MPP7: variants seen among roughly 807,000 people sequenced by gnomAD.
MPP7 encodes MAGUK p55 subfamily member 7.
A neutral mutation model predicts 76.5 loss-of-function variants in MPP7; 60 were observed. The observed-to-expected ratio is 0.78, with a 90% confidence interval of 0.64 to 0.97. The LOEUF is 0.97. Among genes scored for constraint, MPP7 ranks in the 50% least tolerant of loss-of-function variants. MPP7 has a pLI of 0.00. For missense variants in MPP7, 641 were observed against 694.0 expected (o/e 0.92, Z 0.86); for synonymous variants, 237 against 244.5 (o/e 0.97, Z 0.29).
At chr10:28,331,000 T>C (rs1398076528) in intron 1 of MPP7, among the ~76,000 whole-genome samples, 3 of 152,160 alleles carry the variant, frequency 2.0e-5, no homozygotes, top group Non-Finnish European at 4.4e-5. Context: ...ACCGTATTCA[T>C]TTTGTTGCAC....
intron 12 of MPP7, among the ~76,000 whole-genome samples, chr10:28,080,063 G>A (rs1461919886): frequency 6.8e-6 from 1 of 146,332 alleles, no homozygotes; most frequent in Non-Finnish European, 1.5e-5. Flanking sequence ...AAGATTGGGA[G>A]GGGGAGGGGG....
At chr10:28,155,483 G>A (rs908405771) in intron 3 of MPP7, among the ~76,000 whole-genome samples, 15 of 151,604 alleles carry the variant, frequency 9.9e-5, no homozygotes, top group Admixed American at 2.0e-4. Flanking sequence ...CCAGCTACTC[G>A]GGAGGCTGAA....
intron 11 of MPP7, among the ~76,000 whole-genome samples, chr10:28,104,667 A>T (rs1951936): frequency 0.34 from 51,589 of 152,104 alleles, 12,091 homozygotes; most frequent in East Asian, 0.95. Context: ...TTAGTTGAAC[A>T]GCTTCCATAA....
intron 13 of MPP7, among the ~76,000 whole-genome samples, chr10:28,061,640 A>G (rs1326392142): frequency 2.6e-5 from 4 of 152,146 alleles, no homozygotes; most frequent in African/African-American, 9.7e-5. Flanking sequence ...AAAGGCCCCA[A>G]ACTTCTATAA....
intron 1 of MPP7, among the ~76,000 whole-genome samples, chr10:28,262,987 C>T (rs1485227660): frequency 6.6e-6 from 1 of 152,078 alleles, no homozygotes; most frequent in Non-Finnish European, 1.5e-5. Context: ...ACCCAGGAGG[C>T]GGAGGCTGCA....
At chr10:28,292,528 T>C (rs938092284) in intron 1 of MPP7, among the ~76,000 whole-genome samples, 2 of 151,930 alleles carry the variant, frequency 1.3e-5, no homozygotes, top group Non-Finnish European at 2.9e-5. Context: ...GGGATATAGA[T>C]CAGTGTCACC....
chr10:28,122,403 A>G (rs1378330456), intron 8 of MPP7, among the ~76,000 whole-genome samples: 6 of 152,216 alleles, frequency 3.9e-5, no homozygotes, highest in African/African-American at 1.2e-4. Flanking sequence ...TTTTGTTTAT[A>G]CACATTTACC....
At chr10:28,324,389 T>C (rs2887220) in intron 2 of MPP7, among the ~76,000 whole-genome samples, 8,917 of 152,236 alleles carry the variant, frequency 0.059, 328 homozygotes, top group Non-Finnish European at 0.081. Context: ...TGTTTTGTTA[T>C]AGAAGCTCAA....
intron 1 of MPP7, among the ~76,000 whole-genome samples, chr10:28,283,646 C>G (rs1840730941): frequency 1.3e-5 from 2 of 152,068 alleles, no homozygotes; most frequent in South Asian, 4.1e-4. Flanking sequence ...TCCCAAGTAG[C>G]TGGGATTACA....
chr10:28,077,322 G>T (rs1852542236), intron 12 of MPP7, among the ~76,000 whole-genome samples: 1 of 152,072 alleles, frequency 6.6e-6, no homozygotes, highest in African/African-American at 2.4e-5. Flanking sequence ...CCTAAATTAG[G>T]TTATTCTAGG....
intron 3 of MPP7, among the ~76,000 whole-genome samples, chr10:28,155,030 A>G (rs1836006427): frequency 6.6e-6 from 1 of 152,170 alleles, no homozygotes. Context: ...ATTACCTTGT[A>G]TACTTGTTTG....
chr10:28,067,056 G>C (rs1852018963), intron 13 of MPP7, among the ~76,000 whole-genome samples: 1 of 152,138 alleles, frequency 6.6e-6, no homozygotes, highest in Admixed American at 6.6e-5. Context: ...CATTGGGTGT[G>C]CAGTAGGAGC....
chr10:28,084,289 T>G (rs1852902470), intron 12 of MPP7, among the ~76,000 whole-genome samples: 2 of 152,158 alleles, frequency 1.3e-5, no homozygotes, highest in South Asian at 4.1e-4. Flanking sequence ...TCACAATCAC[T>G]AACCAAAGAA....
At chr10:28,265,463 G>A (rs562636741) in intron 1 of MPP7, among the ~76,000 whole-genome samples, 4 of 152,088 alleles carry the variant, frequency 2.6e-5, no homozygotes, top group Non-Finnish European at 5.9e-5. Context: ...GGAGGCTGAG[G>A]TGGGAGGATT....
chr10:28,069,656 C>T, intron 13 of MPP7, 116 bp downstream of exon 13: 2 of 694,892 alleles, frequency 2.9e-6, no homozygotes, highest in South Asian at 2.9e-5. Context: ...ATACATATAC[C>T]TACCATGTAC....
chr10:28,069,599 T>C (rs1852130726), intron 13 of MPP7, among the ~76,000 whole-genome samples, 173 bp downstream of exon 13: 5 of 134,362 alleles, frequency 3.7e-5, no homozygotes, highest in Admixed American at 3.2e-4. Flanking sequence ...TGAGACTCCA[T>C]CTCAAAAAAA....
At chr10:28,200,029 T>G (rs1837718560) in intron 3 of MPP7, among the ~76,000 whole-genome samples, 1 of 152,156 alleles carries the variant, frequency 6.6e-6, no homozygotes, top group African/African-American at 2.4e-5. Flanking sequence ...CCAAAGCGAT[T>G]TTGATTCACT....
At chr10:28,154,111 T>G (rs72803645) in intron 3 of MPP7, among the ~76,000 whole-genome samples, 2 of 152,180 alleles carry the variant, frequency 1.3e-5, no homozygotes, top group African/African-American at 4.8e-5. Flanking sequence ...AACTTTACAA[T>G]GTAGGACTTG....
chr10:28,054,824 G>T (rs117038720), intron 16 of MPP7, among the ~76,000 whole-genome samples: 3,644 of 152,106 alleles, frequency 0.024, 92 homozygotes, highest in East Asian at 0.12. Context: ...TTACAGGAGC[G>T]TGCCGCCACA....
Sources: allele counts gnomAD v4.1 joint callset (sites outside exome capture counted in the v4.1 genomes callset), GRCh38; gene constraint gnomAD v4.1.1; transcripts MANE v1.5; gene names NCBI Gene and HGNC (gene_info 2026-07-23, HGNC 2026-07-21).